GPHN: variants seen among roughly 807,000 people sequenced by gnomAD.
GPHN encodes gephyrin.
GPHN carries 17 observed loss-of-function variants against 95.5 expected under a neutral mutation model. The observed-to-expected ratio is 0.18, with a 90% CI of 0.12 to 0.27. The LOEUF is 0.27. Ranked by LOEUF, GPHN falls within the 10% of genes least tolerant of loss-of-function variation. The probability of loss-of-function intolerance (pLI) is 1.00; values close to 1 mark genes in which losing one functional copy is unlikely to be tolerated. For missense variants in GPHN, 660 were observed against 978.1 expected, an observed-to-expected ratio of 0.67 and a Z score of 4.34; for synonymous variants, 320 against 322.5, an observed-to-expected ratio of 0.99 and a Z score of 0.08.
At chr14:67,145,208 G>C (rs1314691830) in intron 18 of GPHN, among the ~76,000 whole-genome samples, 3 of 152,066 alleles carry the variant, frequency 2.0e-5, no homozygotes, top group Admixed American at 6.6e-5. Flanking sequence ...ATTTCTCTTA[G>C]TTTCTGATTA....
chr14:66,975,995 T>G (rs1363665045), intron 9 of GPHN, among the ~76,000 whole-genome samples: 4 of 152,220 alleles, frequency 2.6e-5, no homozygotes, highest in Non-Finnish European at 5.9e-5. Context: ...TCTTTTGAAA[T>G]AGTTCCAGTA....
chr14:67,172,215 G>A (rs1595483046), intron 21 of GPHN, among the ~76,000 whole-genome samples: 2 of 152,150 alleles, frequency 1.3e-5, no homozygotes, highest in Non-Finnish European at 2.9e-5. Context: ...TTTCCCAGTG[G>A]AGCCAAATAG....
chr14:67,654,252 C>T, the GPHN span, among the ~76,000 whole-genome samples: 2 of 152,116 alleles, frequency 1.3e-5, no homozygotes, highest in African/African-American at 2.4e-5. Context: ...CACAGGTGCA[C>T]GCCACCACAC....
At chr14:67,573,289 A>G in the GPHN span, 21 of 1,611,726 alleles carry the variant, frequency 1.3e-5, no homozygotes, top group Admixed American at 3.3e-5. This position sits in a 1 kb window ranked among gnomAD's most constrained non-coding sequence, Gnocchi z 4.8. Flanking sequence ...TCACTGGAGA[A>G]GTCGGGCTAC....
chr14:67,586,002 AG>A, the GPHN span: 2 of 1,613,956 alleles, frequency 1.2e-6, no homozygotes, highest in Non-Finnish European at 1.7e-6. Flanking sequence ...TGGTGGCTGC[AG>A]GGATGACTTC....
the GPHN span, chr14:67,332,860 G>C: frequency 6.2e-7 from 1 of 1,614,026 alleles, no homozygotes; most frequent in Non-Finnish European, 8.5e-7. Flanking sequence ...CGGCAATTGT[G>C]AATTCCGATC....
At chr14:66,974,690 A>T (rs60550390) in intron 9 of GPHN, among the ~76,000 whole-genome samples, 44,287 of 152,016 alleles carry the variant, frequency 0.29, 10,297 homozygotes, top group African/African-American at 0.62. Flanking sequence ...AAATTCACAT[A>T]AAAAAGTTCT....
At chr14:67,127,573 G>A (rs2079408169) in intron 17 of GPHN, among the ~76,000 whole-genome samples, 1 of 152,110 alleles carries the variant, frequency 6.6e-6, no homozygotes, top group Non-Finnish European at 1.5e-5. Context: ...AATCTGGGGT[G>A]GGCTGAGATT....
At chr14:66,998,888 A>AAATAT (rs1555460418) in intron 9 of GPHN, among the ~76,000 whole-genome samples, 42 of 142,918 alleles carry the variant, frequency 2.9e-4, no homozygotes, top group African/African-American at 9.7e-4. Context: ...AAAAAAAAAA[A>AAATAT]ATATATATAT....
At chr14:67,408,830 C>T in the GPHN span, among the ~76,000 whole-genome samples, 40 of 152,206 alleles carry the variant, frequency 2.6e-4, no homozygotes, top group African/African-American at 8.2e-4. Context: ...CTTTACTCTT[C>T]GGATTTTAAT....
chr14:67,340,398 T>C, the GPHN span: 1 of 1,549,172 alleles, frequency 6.5e-7, no homozygotes, highest in East Asian at 2.2e-5. Context: ...CTTTGGAATA[T>C]GGAAAACAAA....
At chr14:66,597,043 T>G (rs979265259) in intron 1 of GPHN, among the ~76,000 whole-genome samples, 1 of 152,194 alleles carries the variant, frequency 6.6e-6, no homozygotes, top group Non-Finnish European at 1.5e-5. Flanking sequence ...TGCTTCATGC[T>G]GACAGGGGGC....
the GPHN span, among the ~76,000 whole-genome samples, chr14:67,371,129 G>A: frequency 6.6e-6 from 1 of 152,052 alleles, no homozygotes; most frequent in African/African-American, 2.4e-5. Flanking sequence ...AAGTTAAGGA[G>A]GTAGGCCAGG....
intron 2 of GPHN, among the ~76,000 whole-genome samples, chr14:66,729,278 TTATA>T (rs1463788906): frequency 6.6e-6 from 1 of 152,182 alleles, no homozygotes; most frequent in Non-Finnish European, 1.5e-5. Flanking sequence ...GGATATCTCA[TTATA>T]TATGTATGCA....
intron 10 of GPHN, among the ~76,000 whole-genome samples, chr14:67,033,756 A>G (rs1487154307): frequency 2.1e-5 from 3 of 145,250 alleles, no homozygotes; most frequent in East Asian, 4.0e-4. Context: ...GGTGAATCCA[A>G]AGAGGCCCAC....
At chr14:67,377,476 T>A in the GPHN span, among the ~76,000 whole-genome samples, 74 of 152,238 alleles carry the variant, frequency 4.9e-4, no homozygotes, top group Non-Finnish European at 9.3e-4. Context: ...GCTCACTACC[T>A]ATTTTATTTT....
intron 12 of GPHN, 42 bp from the exon 13 acceptor site, chr14:67,100,814 G>GTC (rs1176758864): frequency 7.6e-7 from 1 of 1,308,352 alleles, no homozygotes; most frequent in South Asian, 1.2e-5. Flanking sequence ...CATGCTGTAG[G>GTC]TCCATACTGA....
At chr14:67,586,970 A>G in the GPHN span, 2 of 1,539,250 alleles carry the variant, frequency 1.3e-6, no homozygotes, top group South Asian at 2.4e-5. Context: ...TAAGAGATTA[A>G]ATAAACTGAG....
chr14:67,262,878 G>A, the GPHN span, among the ~76,000 whole-genome samples: 46 of 152,014 alleles, frequency 3.0e-4, no homozygotes, highest in Non-Finnish European at 5.1e-4. Flanking sequence ...CCATATTGCA[G>A]GTAATTTTAA....
Sources: gnomAD v4.1 joint callset for allele counts (sites outside exome capture counted in the v4.1 genomes callset) on GRCh38, gnomAD v4.1.1 for gene constraint, Gnocchi (gnomAD v3.1) non-coding constraint, MANE v1.5 for transcripts, NCBI Gene and HGNC (gene_info 2026-07-23, HGNC 2026-07-21) for gene names.